CFAP46: variants seen among roughly 807,000 people sequenced by gnomAD.
The protein encoded by CFAP46 is cilia and flagella associated protein 46.
A neutral mutation model predicts 325.7 loss-of-function variants in CFAP46; 245 were observed. The ratio of observed to expected loss-of-function variants is 0.75; its 90% CI spans 0.68 to 0.84. The LOEUF (loss-of-function observed/expected upper bound fraction) is 0.84, where lower values mean the gene tolerates loss of function less well. Among genes scored for constraint, CFAP46 ranks in the 40% least tolerant of loss-of-function variants. CFAP46 has a pLI of 0.00. For synonymous variants in CFAP46, 1,523 were observed against 1,495.9 expected (o/e 1.02, Z -0.42); for missense variants, 3,346 against 3,543.0 (o/e 0.94, Z 1.41).
At chr10:132,839,217 T>G (rs889368730) in intron 44 of CFAP46, among the ~76,000 whole-genome samples, 1 of 147,978 alleles carries the variant, frequency 6.8e-6, no homozygotes, top group Non-Finnish European at 1.5e-5. Context: ...CAGTCTGATT[T>G]GTCGTTTTTC....
At chr10:132,867,327 G>A (rs757613555) in intron 34 of CFAP46, 48 bp downstream of exon 34, 10 of 1,528,108 alleles carry the variant, frequency 6.5e-6, no homozygotes, top group East Asian at 4.9e-5. Flanking sequence ...ACGAGGCACC[G>A]GCGCCCGCTG....
intron 43 of CFAP46, among the ~76,000 whole-genome samples, 178 bp downstream of exon 43, chr10:132,846,754 T>C (rs1848444093): frequency 6.6e-6 from 1 of 152,210 alleles, no homozygotes; most frequent in Non-Finnish European, 1.5e-5. Context: ...AGCACACGAA[T>C]GCATGTTCTC....
chr10:132,900,302 G>GGTGTCACCT (rs1351553531), intron 22 of CFAP46, among the ~76,000 whole-genome samples: 1 of 152,200 alleles, frequency 6.6e-6, no homozygotes, highest in Non-Finnish European at 1.5e-5. Flanking sequence ...GCACACTCCT[G>GGTGTCACCT]GGTGTCAACA....
Position 132,934,819 on chromosome 10 carries a change from G to A in CFAP46, c.799C>T (p.Leu267=), listed in dbSNP as rs761873934. 8 of 1,612,882 alleles carry A rather than the reference G, an allele frequency of 5.0e-6. No homozygotes were observed. In the South Asian group the frequency reaches 6.6e-5, roughly 13 times the overall value. The part of the protein sequence containing the change: ...NDLPGDISVI[L]RKAYRHLGHY... The stretch of plus-strand genomic sequence containing the variant: ...CCTAAGTGTCTGTAGGCCTTCCTCA[G>A]AATGACACTGATGTCACCTGGTAAA... Residue 267 remains leucine (L), a synonymous_variant, in exon 8 of 58, where the codon CTG becomes TTG. Coordinates refer to ENST00000368586, the MANE Select transcript of CFAP46 (RefSeq NM_001200049.3).
In CFAP46 at chr10:132,922,703, A is replaced by G; in HGVS notation, c.1262T>C (p.Met421Thr). The G allele has an allele frequency of 6.5e-7, 1 of 1,546,230 alleles. No homozygotes were observed. The highest frequency in any genetic ancestry group is 8.7e-7 in the Non-Finnish European group (1 of 1,143,866). Residue 421 changes from methionine to threonine, a missense_variant, in exon 12 of 58, where the codon ATG becomes ACG. Coordinates refer to ENST00000368586, the MANE Select transcript of CFAP46 (RefSeq NM_001200049.3). ...ADVLEKLDSL[M>T]TLLRCQVHME... ...GTGCACTTGACAGCGGAGAAGCGTC[A>G]TGAGGCTGCGGGGGTGGCGTGGCAT...
chr10:132,901,159 T>C (rs545380294), intron 22 of CFAP46, among the ~76,000 whole-genome samples: 1 of 152,372 alleles, frequency 6.6e-6, no homozygotes, highest in African/African-American at 2.4e-5. Flanking sequence ...TCCTATGTTC[T>C]GTATCTGTGT....
chr10:132,899,118 G>A lies in CFAP46; in HGVS notation c.3060C>T (p.Phe1020=), dbSNP rs1410921002. 23 of 1,528,984 alleles carry A rather than the reference G, an allele frequency of 1.5e-5. No homozygotes were observed. The highest frequency in any genetic ancestry group is 2.8e-5 in the African/African-American group (2 of 72,428). 94.7% of individuals were successfully genotyped at this position (1,528,984 alleles called of 1,614,324 possible). A position where few individuals can be genotyped will look rare whatever the true frequency, so the allele number is the denominator to read the frequency against. The change falls in exon 24 of 58, where the codon TTC becomes TTT. Residue 1020 remains phenylalanine (F), a synonymous_variant. Coordinates refer to ENST00000368586, the MANE Select transcript of CFAP46 (RefSeq NM_001200049.3). ...AAKAFTESAR[F]GGIAGSSALV... is the part of the protein sequence containing the mutation. The stretch of plus-strand genomic sequence containing the variant: ...GGGCGCTGCTGCCCGCGATGCCTCC[G>A]AACCTAAAAGAGGGCAGGTCATGAC...
intron 13 of CFAP46, among the ~76,000 whole-genome samples, chr10:132,921,150 C>G (rs1591092155): frequency 6.6e-6 from 1 of 152,218 alleles, no homozygotes; most frequent in East Asian, 1.9e-4. Flanking sequence ...CACTCCCGAC[C>G]ACCATCTCCA....
At position 132,836,824 on chromosome 10, in the gene CFAP46, C is replaced by T. The variant is rs763131980; in HGVS notation, c.6529G>A (p.Gly2177Arg). ...AAGAAGGAGCGGCTTTACCTGTCCC[C>T]TGAGAGGTGCAGAAAGAGGATCCAA... Reference protein sequence around the residue: ...TFWILFLHLSGDRSRLYGAAY... With the variant: ...TFWILFLHLSRDRSRLYGAAY... Residue 2177 changes from glycine (G) to arginine (R), a missense_variant, in exon 45 of 58, where the codon GGG (glycine) becomes AGG (arginine). Transcript: ENST00000368586. 1.9e-6 allele frequency: 3 copies of T among 1,613,380 alleles called. No homozygotes were observed. In the African/African-American group the frequency reaches 4.0e-5, roughly 22 times the overall value.
At chr10:132,907,717 C>A (rs1252195938) in intron 22 of CFAP46, among the ~76,000 whole-genome samples, 1 of 152,210 alleles carries the variant, frequency 6.6e-6, no homozygotes, top group Non-Finnish European at 1.5e-5. Flanking sequence ...ATCCTCACCC[C>A]CACAGTGATG....
chr10:132,847,185 A>G lies in CFAP46; in HGVS notation c.6087+2T>C, dbSNP rs772960752. On this transcript the variant is annotated splice_donor_variant, in intron 42 of 57. Transcript: ENST00000368586. LOFTEE classifies it high-confidence loss of function. This position sits in a 1 kb window ranked among gnomAD's most constrained non-coding sequence, Gnocchi z 5.2. ...CACGAGGGGCAGGAGGGGCAGCCGC[A>G]CCTTCAGGTCCTCGCCTCTCCTGCA... The G allele has an allele frequency of 6.2e-7, 1 of 1,610,648 alleles. No homozygotes were observed. The highest frequency in any genetic ancestry group is 1.7e-5 in the Admixed American group (1 of 59,952).
rs942358211 is a variant in CFAP46, at chr10:132,812,798, G to A, written c.7488C>T (p.Ala2496=). ...GACACCTCTCACCTTGCAAGTTCAT[G>A]GCGACCAATCTCTCCACTAATATAT... ...LSHILVERLV[A]MNLQECQVAV... is the part of the protein sequence containing the mutation. Residue 2496 remains alanine (A), a synonymous_variant, in exon 55 of 58, where the codon GCC becomes GCT. Coordinates refer to ENST00000368586, the MANE Select transcript of CFAP46 (RefSeq NM_001200049.3). 6 of 1,611,976 alleles carry A rather than the reference G, an allele frequency of 3.7e-6. No individual in the cohort carries two copies. In the South Asian group the frequency reaches 6.6e-5, roughly 18 times the overall value.
chr10:132,937,400 T>C, intron 6 of CFAP46, 152 bp downstream of exon 6: 1 of 861,930 alleles, frequency 1.2e-6, no homozygotes, highest in Admixed American at 2.7e-5. Context: ...CTGCTATTTC[T>C]TTTTAATATG....
chr10:132,835,572 G>T (rs563630874), intron 46 of CFAP46, 138 bp from the exon 47 acceptor site: 7 of 1,060,194 alleles, frequency 6.6e-6, no homozygotes, highest in Non-Finnish European at 8.1e-6. Context: ...CTTCATGTGG[G>T]GTCCCCCTGG....
chr10:132,862,155 C>T (rs1013179864), intron 35 of CFAP46, among the ~76,000 whole-genome samples: 1 of 152,202 alleles, frequency 6.6e-6, no homozygotes, highest in African/African-American at 2.4e-5. Context: ...CGACTGGGCT[C>T]TGTGGAAGGG....
Position 132,808,725 on chromosome 10 carries a change from G to T in CFAP46, c.7844C>A (p.Ala2615Asp), listed in dbSNP as rs758152900. Residue 2615 changes from alanine (A) to aspartate (D), a missense_variant, in exon 58 of 58, where the codon GCC becomes GAC. Transcript: ENST00000368586. This position sits in a 1 kb window ranked among gnomAD's most constrained non-coding sequence, Gnocchi z 6.8. ...GAGGTGGGGATGGGTTGGCAGAGGGGCAGAGCCAAGGGCAGAGGCAAGTGC... is the reference window on the plus strand; with the variant it reads ...GAGGTGGGGATGGGTTGGCAGAGGGTCAGAGCCAAGGGCAGAGGCAAGTGC... ...APALASALGS[A>D]PLPTHPHLPA... 7 of 1,569,914 alleles carry T rather than the reference G, an allele frequency of 4.5e-6. No individual in the cohort carries two copies. The South Asian group carries it at 8.1e-5, about 18-fold the overall frequency.
Position 132,924,898 on chromosome 10 carries a change from A to T in CFAP46, c.1066-12T>A, listed in dbSNP as rs749255603. 8.0e-6 allele frequency: 11 copies of T among 1,370,426 alleles called. No individual in the cohort carries two copies. Among genetic ancestry groups the T allele is most frequent in the Non-Finnish European group, 1.0e-5 (11 of 1,054,646 alleles). The allele number at this position is 1,370,426 out of a possible 1,614,324, so 84.9% of individuals were successfully genotyped here. A position where few individuals can be genotyped will look rare whatever the true frequency, so the allele number is the denominator to read the frequency against. On this transcript the variant is annotated splice_polypyrimidine_tract_variant and intron_variant, in intron 10 of 57. Coordinates refer to ENST00000368586, the MANE Select transcript of CFAP46 (RefSeq NM_001200049.3). ...ATATCCAGCTGGGCCTGCGGAGAAG[A>T]CGTGGGGGATTCTAGGGAGGTTGCT...
intron 50 of CFAP46, among the ~76,000 whole-genome samples, chr10:132,823,106 ATGTGTGCTGTG>A (rs1372320448): frequency 1.0e-5 from 1 of 95,696 alleles, no homozygotes. Context: ...GTATGTGCTG[ATGTGTGCTGTG>A]TGTGTGCTGA....
intron 50 of CFAP46, among the ~76,000 whole-genome samples, chr10:132,816,061 T>A (rs1402917885): frequency 1.3e-5 from 2 of 152,242 alleles, no homozygotes; most frequent in Non-Finnish European, 2.9e-5. Context: ...GTTATGAGAC[T>A]ACTCAGGTTT....
Sources: gnomAD v4.1 joint callset for allele counts (sites outside exome capture counted in the v4.1 genomes callset) on GRCh38, gnomAD v4.1.1 for gene constraint, Gnocchi (gnomAD v3.1) non-coding constraint, MANE v1.5 for transcripts, NCBI Gene and HGNC (gene_info 2026-07-23, HGNC 2026-07-21) for gene names.